Variants in ETV1 observed in about 807,000 individuals in gnomAD.
ETV1 encodes the protein ETS variant transcription factor 1, also known as ETS translocation variant 1.
In ETV1, 27 loss-of-function variants were observed where a neutral mutation model predicts 62.3. That is an observed-to-expected ratio of 0.43 (90% CI 0.32 to 0.60). ETV1 has a LOEUF of 0.60. ETV1 is among the 20% of genes least tolerant of loss of function. ETV1 has a pLI of 0.06. For synonymous variants in ETV1, 222 were observed against 199.6 expected (o/e 1.11, Z -0.94); for missense variants, 605 against 605.8 (o/e 1.00, Z 0.01).
At chr7:13,965,841 TG>T (rs1040705229) in intron 6 of ETV1, among the ~76,000 whole-genome samples, 5 of 152,164 alleles carry the variant, frequency 3.3e-5, no homozygotes, top group Non-Finnish European at 7.4e-5. Context: ...AAGCAGATAT[TG>T]GCACTCGTTT....
chr7:13,926,098 CT>C (rs1289355750), intron 9 of ETV1, among the ~76,000 whole-genome samples: 3 of 152,124 alleles, frequency 2.0e-5, no homozygotes, highest in African/African-American at 7.2e-5. Flanking sequence ...CTTCTAATGG[CT>C]GCATAATATT....
rs10486066 is a variant in ETV1, at chr7:13,898,839, C to A, written c.1212+1899G>T. Among the ~76,000 whole-genome samples, 10 of 152,062 alleles carry A rather than the reference C, an allele frequency of 6.6e-5. 1 individual carries two copies. Among genetic ancestry groups the A allele is most frequent in the African/African-American group, 2.4e-4 (10 of 41,494 alleles). On this transcript the variant is annotated intron_variant, in intron 13 of 13. Coordinates refer to ENST00000430479, the MANE Select transcript of ETV1 (RefSeq NM_004956.5). The stretch of plus-strand genomic sequence containing the variant: ...CTTGAACATCAGAATGGTACATATC[C>A]GAGAATGTGATTAGCTGGGTGCAGT...
chr7:13,959,882 CAA>C (rs35605197), intron 6 of ETV1, among the ~76,000 whole-genome samples: 637 of 56,440 alleles, frequency 0.011, 1 homozygote, highest in African/African-American at 0.025. Flanking sequence ...GATTCTGTCT[CAA>C]AAAAAAAAAA....
intron 5 of ETV1, among the ~76,000 whole-genome samples, chr7:13,979,797 G>T (rs1781808610): frequency 6.6e-6 from 1 of 152,098 alleles, no homozygotes; most frequent in Non-Finnish European, 1.5e-5. Flanking sequence ...AAGTATACTT[G>T]TAACTGAATA....
upstream of ETV1, chr7:13,991,377 C>A (rs1333151164): frequency 6.6e-6 from 1 of 152,304 alleles, no homozygotes; most frequent in Non-Finnish European, 1.5e-5. Flanking sequence ...CGCGAGGGGG[C>A]GGAGCTTCGG....
At chr7:13,940,445 T>C (rs984370628) in intron 6 of ETV1, among the ~76,000 whole-genome samples, 1 of 152,006 alleles carries the variant, frequency 6.6e-6, no homozygotes, top group Admixed American at 6.6e-5. Flanking sequence ...GAAATGCCTA[T>C]TAGAAATCTT....
chr7:13,900,950 A>T (rs909742661), intron 12 of ETV1, 111 bp from the exon 13 acceptor site: 1 of 652,024 alleles, frequency 1.5e-6, no homozygotes, highest in Non-Finnish European at 2.5e-6. Context: ...CAACTCAAGG[A>T]TATAAGTAAA....
At chr7:13,901,114 C>T (rs1782375236) in intron 12 of ETV1, among the ~76,000 whole-genome samples, 1 of 151,940 alleles carries the variant, frequency 6.6e-6, no homozygotes. Flanking sequence ...AAGCAATTCT[C>T]CTGCCTCAGC....
At chr7:13,958,575 C>T (rs1430123063) in intron 6 of ETV1, among the ~76,000 whole-genome samples, 1 of 152,156 alleles carries the variant, frequency 6.6e-6, no homozygotes, top group Non-Finnish European at 1.5e-5. Context: ...TCTGTCACTA[C>T]TTGGGCACTG....
chr7:13,956,079 C>T (rs1384322969), intron 6 of ETV1, among the ~76,000 whole-genome samples: 1 of 151,938 alleles, frequency 6.6e-6, no homozygotes, highest in Non-Finnish European at 1.5e-5. Flanking sequence ...ATATTTATAC[C>T]AAATTACAAT....
intron 11 of ETV1, among the ~76,000 whole-genome samples, chr7:13,907,133 A>G (rs1418698672): frequency 6.6e-6 from 1 of 152,194 alleles, no homozygotes; most frequent in Non-Finnish European, 1.5e-5. Context: ...ATTTAATAGT[A>G]TCCTAAACTG....
At chr7:13,987,860 T>C (rs1199744527) in intron 4 of ETV1, among the ~76,000 whole-genome samples, 2 of 152,330 alleles carry the variant, frequency 1.3e-5, no homozygotes, top group East Asian at 1.9e-4. Flanking sequence ...AAGGTTGTCA[T>C]TGAGAAGTTT....
At chr7:13,906,923 G>C (rs931250089) in intron 11 of ETV1, among the ~76,000 whole-genome samples, 1 of 151,666 alleles carries the variant, frequency 6.6e-6, no homozygotes, top group Non-Finnish European at 1.5e-5. Context: ...AAAAACCATC[G>C]TATCTAATCA....
intron 5 of ETV1, among the ~76,000 whole-genome samples, chr7:13,983,270 T>C (rs1481014301): frequency 6.6e-6 from 1 of 152,006 alleles, no homozygotes; most frequent in African/African-American, 2.4e-5. Flanking sequence ...ACATCAGATA[T>C]ATACTGAAAA....
chr7:13,922,621 T>G (rs1458361778), intron 9 of ETV1, among the ~76,000 whole-genome samples: 1 of 152,282 alleles, frequency 6.6e-6, no homozygotes. Context: ...CACACACACA[T>G]AGAATGTTCA....
At chr7:13,963,818 G>A (rs62454616) in intron 6 of ETV1, among the ~76,000 whole-genome samples, 3,587 of 152,154 alleles carry the variant, frequency 0.024, 44 homozygotes, top group Middle Eastern at 0.041. Flanking sequence ...AAAGCCAAAA[G>A]CCCACATTTC....
intron 6 of ETV1, among the ~76,000 whole-genome samples, chr7:13,968,248 G>A (rs1780510012): frequency 6.6e-6 from 1 of 151,768 alleles, no homozygotes; most frequent in Non-Finnish European, 1.5e-5. Flanking sequence ...TTATATTAAG[G>A]ACAAAATTAA....
At chr7:13,948,905 T>C (rs1788475320) in intron 6 of ETV1, among the ~76,000 whole-genome samples, 1 of 152,102 alleles carries the variant, frequency 6.6e-6, no homozygotes, top group South Asian at 2.1e-4. Flanking sequence ...AAACCAAAAA[T>C]GTGCAGCCTT....
chr7:13,937,341 C>T (rs1786915875), intron 7 of ETV1, among the ~76,000 whole-genome samples: 1 of 152,184 alleles, frequency 6.6e-6, no homozygotes, highest in Non-Finnish European at 1.5e-5. Context: ...TGAAATGGTT[C>T]ACCTAACTCA....
Sources: allele counts gnomAD v4.1 joint callset (sites outside exome capture counted in the v4.1 genomes callset), GRCh38; gene constraint gnomAD v4.1.1; transcripts MANE v1.5; gene names NCBI Gene and HGNC (gene_info 2026-07-23, HGNC 2026-07-21).